The following BMAL2 variants were observed in gnomAD, a reference collection of about 807,000 sequenced individuals.
BMAL2 encodes the protein basic helix-loop-helix ARNT like 2, also known as basic helix-loop-helix ARNT-like protein 2.
At chr12:27,419,893 C>G in the BMAL2 span, among the ~76,000 whole-genome samples, 3 of 152,128 alleles carry the variant, frequency 2.0e-5, no homozygotes, top group Non-Finnish European at 4.4e-5. Flanking sequence ...TCTGATTTAT[C>G]TCCCTTTTAT....
the BMAL2 span, among the ~76,000 whole-genome samples, chr12:27,405,067 GC>G: frequency 6.6e-6 from 1 of 152,206 alleles, no homozygotes; most frequent in African/African-American, 2.4e-5. Context: ...GCCCACCATT[GC>G]CGAGGCTTGA....
chr12:27,416,792 T>C, the BMAL2 span, among the ~76,000 whole-genome samples: 1 of 151,932 alleles, frequency 6.6e-6, no homozygotes, highest in African/African-American at 2.4e-5. Context: ...ACCTCCTTTC[T>C]AAAAAAGATT....
the BMAL2 span, among the ~76,000 whole-genome samples, chr12:27,376,941 C>T: frequency 7.4e-6 from 1 of 136,010 alleles, no homozygotes; most frequent in African/African-American, 2.8e-5. Flanking sequence ...GCAGAGCTTG[C>T]AGTGAGCCGA....
the BMAL2 span, among the ~76,000 whole-genome samples, chr12:27,373,306 G>A: frequency 6.6e-6 from 1 of 152,128 alleles, no homozygotes; most frequent in Admixed American, 6.5e-5. Context: ...CCTAGATGGA[G>A]GGTGGTATTT....
At chr12:27,404,642 G>A in the BMAL2 span, among the ~76,000 whole-genome samples, 1 of 152,192 alleles carries the variant, frequency 6.6e-6, no homozygotes, top group Non-Finnish European at 1.5e-5. Context: ...TGGCCGAATA[G>A]GAACAGCTCC....
At chr12:27,348,088 A>G in the BMAL2 span, among the ~76,000 whole-genome samples, 1 of 152,234 alleles carries the variant, frequency 6.6e-6, no homozygotes, top group East Asian at 1.9e-4. Context: ...CTCCCAGACT[A>G]TTTACCCCAA....
At chr12:27,349,980 T>G in the BMAL2 span, among the ~76,000 whole-genome samples, 1 of 152,214 alleles carries the variant, frequency 6.6e-6, no homozygotes, top group African/African-American at 2.4e-5. Flanking sequence ...GGCAGGGGCT[T>G]GCACCTGAGC....
At chr12:27,335,944 C>T in the BMAL2 span, among the ~76,000 whole-genome samples, 11 of 152,238 alleles carry the variant, frequency 7.2e-5, 1 homozygote, top group South Asian at 2.3e-3. Context: ...TTACTTTGTC[C>T]TTGTGAAATG....
At chr12:27,420,506 T>G in the BMAL2 span, 2 of 1,605,942 alleles carry the variant, frequency 1.2e-6, no homozygotes, top group Admixed American at 1.7e-5. Context: ...CCCTGGGGAC[T>G]TCAGTGACAT....
chr12:27,381,902 G>A, the BMAL2 span, among the ~76,000 whole-genome samples: 1 of 152,196 alleles, frequency 6.6e-6, no homozygotes, highest in African/African-American at 2.4e-5. Context: ...AAGGGAGTGA[G>A]CAAAGGATGA....
At chr12:27,382,985 C>T in the BMAL2 span, among the ~76,000 whole-genome samples, 1 of 152,212 alleles carries the variant, frequency 6.6e-6, no homozygotes, top group East Asian at 1.9e-4. Context: ...TGCACTTGAT[C>T]TCACCACAGT....
chr12:27,414,691 G>A, the BMAL2 span, among the ~76,000 whole-genome samples: 1 of 152,000 alleles, frequency 6.6e-6, no homozygotes, highest in East Asian at 1.9e-4. Flanking sequence ...AAATACCTAT[G>A]TTAAGAAAAA....
the BMAL2 span, among the ~76,000 whole-genome samples, chr12:27,333,889 G>A: frequency 6.6e-6 from 1 of 152,214 alleles, no homozygotes; most frequent in Non-Finnish European, 1.5e-5. Flanking sequence ...CTTACAACGG[G>A]GCCTTTGGGA....
At chr12:27,383,110 G>A in the BMAL2 span, among the ~76,000 whole-genome samples, 7 of 152,254 alleles carry the variant, frequency 4.6e-5, no homozygotes, top group East Asian at 3.9e-4. Flanking sequence ...TGGTTCACAC[G>A]CATGCGTCCT....
At chr12:27,401,516 T>C in the BMAL2 span, 2 of 1,572,814 alleles carry the variant, frequency 1.3e-6, no homozygotes, top group South Asian at 2.3e-5. Flanking sequence ...TTATCTTTTC[T>C]CGTTAAGTTC....
At chr12:27,337,907 C>T in the BMAL2 span, among the ~76,000 whole-genome samples, 6 of 152,184 alleles carry the variant, frequency 3.9e-5, no homozygotes, top group South Asian at 6.2e-4. Flanking sequence ...AGAATCTCCT[C>T]GTCACCCAAA....
chr12:27,400,598 T>C, the BMAL2 span: 2 of 1,613,940 alleles, frequency 1.2e-6, no homozygotes, highest in Non-Finnish European at 1.7e-6. Context: ...CAAATATTGT[T>C]GGAATGGAAG....
the BMAL2 span, among the ~76,000 whole-genome samples, chr12:27,353,867 A>G: frequency 6.6e-6 from 1 of 152,158 alleles, no homozygotes; most frequent in African/African-American, 2.4e-5. Flanking sequence ...CCACAATGAA[A>G]TCCCATCTCA....
the BMAL2 span, among the ~76,000 whole-genome samples, chr12:27,383,258 G>C: frequency 6.6e-6 from 1 of 152,214 alleles, no homozygotes; most frequent in Non-Finnish European, 1.5e-5. Flanking sequence ...CTATTGTTAA[G>C]AGTAAAGAGT....
Sources: allele counts gnomAD v4.1 joint callset (sites outside exome capture counted in the v4.1 genomes callset), GRCh38; gene constraint gnomAD v4.1.1; transcripts MANE v1.5; gene names NCBI Gene and HGNC (gene_info 2026-07-23, HGNC 2026-07-21).